KRT31: variants seen among roughly 807,000 people sequenced by gnomAD.
KRT31 encodes the protein keratin 31.
A neutral mutation model predicts 40.8 loss-of-function variants in KRT31; 27 were observed. That is an observed-to-expected ratio of 0.66 (90% confidence interval 0.49 to 0.91). The LOEUF is 0.91. Ranked by LOEUF, KRT31 falls within the 40% of genes least tolerant of loss-of-function variation. The pLI is 0.00. For missense variants in KRT31, 510 were observed against 544.1 expected (o/e 0.94, Z 0.62); for synonymous variants, 231 against 231.9 (o/e 1.00, Z 0.03).
intron 6 of KRT31, among the ~76,000 whole-genome samples, chr17:41,394,578 G>A (rs1158305401): frequency 2.0e-5 from 3 of 152,188 alleles, no homozygotes; most frequent in Non-Finnish European, 2.9e-5. Context: ...TAAAAAGTAA[G>A]GCATTGATCA....
At position 41,397,524 on chromosome 17, in the gene KRT31, A is replaced by G. The variant is rs775476177; in HGVS notation, c.16T>C (p.Cys6Arg). The G allele has an allele frequency of 3.6e-5, 53 of 1,483,132 alleles. 1 individual carries two copies. The East Asian group carries it at 1.1e-3, about 31-fold the overall frequency. The allele number at this position is 1,483,132 out of a possible 1,614,324, so 91.9% of individuals were successfully genotyped here. The change falls in exon 1 of 7, where the codon TGC (cysteine) becomes CGC (arginine). Residue 6 changes from cysteine to arginine, a missense_variant. Transcript: ENST00000251645. Reference protein sequence around the residue: MPYNFCLPSLSCRTSC... With the variant: MPYNFRLPSLSCRTSC... ...GTGCGGCAGCTCAGGCTGGGCAGGCAGAAGTTGTAGGGCATAGTGCTGGGA... is the reference window on the plus strand; with the variant it reads ...GTGCGGCAGCTCAGGCTGGGCAGGCGGAAGTTGTAGGGCATAGTGCTGGGA...
At chr17:41,395,684 G>T in intron 3 of KRT31, 61 bp from the exon 4 acceptor site, 2 of 1,542,548 alleles carry the variant, frequency 1.3e-6, no homozygotes, top group Non-Finnish European at 1.8e-6. Flanking sequence ...CTAAGGAATG[G>T]CATTGCTTGT....
At chr17:41,396,662 T>G (rs2018232405) in intron 2 of KRT31, 86 bp from the exon 3 acceptor site, 1 of 1,465,698 alleles carries the variant, frequency 6.8e-7, no homozygotes, top group Non-Finnish European at 9.3e-7. Flanking sequence ...TGCCTTATCT[T>G]TCCACTTTCT....
chr17:41,395,568 G>A lies in KRT31; in HGVS notation c.644C>T (p.Ala215Val), dbSNP rs2018212419. The change falls in exon 4 of 7, where the codon GCT (alanine) becomes GTT (valine). Residue 215 changes from alanine to valine, a missense_variant. Physicochemically the swap from Ala to Val is moderately conservative, Grantham distance 64. Transcript: ENST00000251645. The part of the protein sequence containing the change: ...LGDRLNVEVD[A>V]APTVDLNRVL... ...CCGATTCAGGTCCACAGTGGGAGCAGCATCCACCTCCACATTGAGGCGGTC... is the reference window on the plus strand; with the variant it reads ...CCGATTCAGGTCCACAGTGGGAGCAACATCCACCTCCACATTGAGGCGGTC... 1.9e-6 allele frequency: 3 copies of A among 1,614,126 alleles called. No homozygotes were observed. In the South Asian group the frequency reaches 3.3e-5, roughly 18 times the overall value.
Position 41,394,044 on chromosome 17 carries a change from C to G in KRT31, c.1223G>C (p.Cys408Ser). The G allele has an allele frequency of 6.2e-7, 1 of 1,613,458 alleles. No homozygotes were observed. The highest frequency in any genetic ancestry group is 8.5e-7 in the Non-Finnish European group (1 of 1,179,802). The change falls in exon 7 of 7, where the codon TGT becomes TCT. Residue 408 changes from cysteine (C) to serine (S), a missense_variant. Cys to Ser is a moderately radical substitution (Grantham distance 112). Coordinates refer to ENST00000251645, the MANE Select transcript of KRT31 (RefSeq NM_002277.3). ...GCGCACGAAGGAATTGCAGGGCCCACAGCGGGGGCGTGGGGCACAGGGTGT... is the reference window on the plus strand; with the variant it reads ...GCGCACGAAGGAATTGCAGGGCCCAGAGCGGGGGCGTGGGGCACAGGGTGT... ...PCTPCAPRPRCGPCNSFVR is the reference protein window; with the variant it reads ...PCTPCAPRPRSGPCNSFVR
chr17:41,397,557 A>G lies in KRT31; in HGVS notation c.-18T>C. ...TAGGGCATAGTGCTGGGAGGGAGGG[A>G]GGGAGTGCCTGGCTGAAGACAGAGT... On this transcript the variant is annotated 5_prime_UTR_variant, in exon 1 of 7. Coordinates refer to ENST00000251645, the MANE Select transcript of KRT31 (RefSeq NM_002277.3). The G allele has an allele frequency of 5.8e-6, 5 of 868,744 alleles. No individual in the cohort carries two copies. Among genetic ancestry groups the G allele is most frequent in the Non-Finnish European group, 9.2e-6 (5 of 545,170 alleles). 53.8% of individuals were successfully genotyped at this position (868,744 alleles called of 1,614,324 possible). A position where few individuals can be genotyped will look rare whatever the true frequency, so the allele number is the denominator to read the frequency against.
In KRT31 at chr17:41,395,799, G is replaced by A. The variant is rs183249826; in HGVS notation, c.589-176C>T. Among the ~76,000 whole-genome samples, 171 of 152,304 alleles carry A rather than the reference G, an allele frequency of 1.1e-3. 1 individual carries two copies. Among genetic ancestry groups the A allele is most frequent in the African/African-American group, 3.8e-3 (158 of 41,562 alleles). On this transcript the variant is annotated intron_variant, in intron 3 of 6. Coordinates refer to ENST00000251645, the MANE Select transcript of KRT31 (RefSeq NM_002277.3). ...CATAGCCCCCTCCCCACCATCTGCT[G>A]TGCCATGGCACTTGGCTTCAGAAAA...
At chr17:41,395,199 C>A (rs953757489) in intron 5 of KRT31, 46 bp downstream of exon 5, 6 of 1,611,864 alleles carry the variant, frequency 3.7e-6, no homozygotes, top group Admixed American at 3.3e-5. Context: ...CGGGACTCTG[C>A]CTCCCAAGTT....
chr17:41,395,121 T>C, intron 5 of KRT31, 53 bp from the exon 6 acceptor site: 1 of 1,610,876 alleles, frequency 6.2e-7, no homozygotes, highest in South Asian at 1.1e-5. Flanking sequence ...AAAGGGTTTC[T>C]TCACAGGATT....
In KRT31 at chr17:41,396,482, G is replaced by T; in HGVS notation, c.526C>A (p.Leu176Met). ...TTCAGGGACTCCACCTGGGCCTCCA[G>T]GTCGGACTTGCACAGGGTCAGCTCA... ...LDELTLCKSD[L>M]EAQVESLKEE... is the part of the protein sequence containing the mutation. The change falls in exon 3 of 7, where the codon CTG becomes ATG. Residue 176 changes from leucine to methionine, a missense_variant. Transcript: ENST00000251645. 1 of 1,614,176 alleles carries T rather than the reference G, an allele frequency of 6.2e-7. No individual in the cohort carries two copies. The highest frequency in any genetic ancestry group is 8.5e-7 in the Non-Finnish European group (1 of 1,180,026).
At position 41,396,433 on chromosome 17, in the gene KRT31, C is replaced by T. The variant is rs759804988; in HGVS notation, c.575G>A (p.Ser192Asn). Residue 192 changes from serine (S) to asparagine (N), a missense_variant, in exon 3 of 7, where the codon AGC (serine) becomes AAC (asparagine). Ser to Asn is a conservative substitution (Grantham distance 46, BLOSUM62 1). Transcript: ENST00000251645. ...SLKEELLCLK[S>N]NHEQEVNTLR... Reference sequence around the variant, plus strand: ...TTCTAGTCTCACCTGCTCATGGTTGCTCTTGAGGCAGAGCAGCTCCTCCTT... The same window carrying T: ...TTCTAGTCTCACCTGCTCATGGTTGTTCTTGAGGCAGAGCAGCTCCTCCTT... The T allele has an allele frequency of 6.0e-5, 97 of 1,613,894 alleles. No individual in the cohort carries two copies. The highest frequency in any genetic ancestry group is 8.0e-5 in the Non-Finnish European group (94 of 1,179,944).
chr17:41,395,894 A>G (rs1280449235), intron 3 of KRT31, among the ~76,000 whole-genome samples: 1 of 152,150 alleles, frequency 6.6e-6, no homozygotes, highest in African/African-American at 2.4e-5. Context: ...CCAGTTTACA[A>G]TTGGCTGTGA....
intron 5 of KRT31, 68 bp from the exon 6 acceptor site, chr17:41,395,136 G>A (rs2018199929): frequency 5.6e-6 from 9 of 1,608,836 alleles, no homozygotes; most frequent in South Asian, 5.5e-5. Flanking sequence ...AGGATTACAA[G>A]GAAGTCACAA....
At chr17:41,394,710 A>G in intron 6 of KRT31, 138 bp downstream of exon 6, 1 of 1,447,582 alleles carries the variant, frequency 6.9e-7, no homozygotes, top group Non-Finnish European at 9.3e-7. Flanking sequence ...TGGCCATATT[A>G]TGTTGTCTGA....
In KRT31 at chr17:41,396,521, G is replaced by C. The variant is rs138565003; in HGVS notation, c.487C>G (p.Arg163Gly). Residue 163 changes from arginine (R) to glycine (G), a missense_variant, in exon 3 of 7, where the codon CGC (arginine) becomes GGC (glycine). Transcript: ENST00000251645. ...AGGGTCAGCTCATCCAGGATCCTGCGCAGACCGTTGATGTCCGACTCCACC... is the reference window on the plus strand; with the variant it reads ...AGGGTCAGCTCATCCAGGATCCTGCCCAGACCGTTGATGTCCGACTCCACC... ...QLVESDINGLRRILDELTLCK... is the reference protein window; with the variant it reads ...QLVESDINGLGRILDELTLCK... The C allele has an allele frequency of 2.5e-6, 4 of 1,614,046 alleles. No individual in the cohort carries two copies. The African/African-American group carries it at 5.3e-5, about 22-fold the overall frequency.
rs781656967 is a variant in KRT31 at position 41,397,264 on chromosome 17, A to T, written c.276T>A (p.Ser92=). ...AELENLIRER[S]QQQEPLLCPS... ...GGCACAGCAAGGGCTCCTGCTGCTG[A>T]GACCGCTCCCGGATGAGGTTCTCCA... Residue 92 remains serine, a synonymous_variant, in exon 1 of 7, where the codon TCT becomes TCA. Transcript: ENST00000251645. 3.2e-5 allele frequency: 51 copies of T among 1,614,122 alleles called. No individual in the cohort carries two copies. The highest frequency in any genetic ancestry group is 4.0e-5 in the Non-Finnish European group (47 of 1,180,054).
intron 6 of KRT31, 117 bp from the exon 7 acceptor site, chr17:41,394,286 A>C (rs1212550523): frequency 9.4e-7 from 1 of 1,065,704 alleles, no homozygotes. Context: ...GGCCTAGAAC[A>C]GAAAAGGCAC....
intron 6 of KRT31, among the ~76,000 whole-genome samples, chr17:41,394,569 A>G (rs1331748301): frequency 6.6e-6 from 1 of 152,246 alleles, no homozygotes; most frequent in Non-Finnish European, 1.5e-5. Flanking sequence ...ACAGTATTGT[A>G]AAAAGTAAGG....
intron 3 of KRT31, 149 bp downstream of exon 3, chr17:41,396,271 T>A (rs960215315): frequency 5.8e-6 from 4 of 689,822 alleles, no homozygotes; most frequent in Admixed American, 3.0e-5. Flanking sequence ...ACAGGTCTTA[T>A]CTCTCTCCAA....
Sources: gnomAD v4.1 joint callset for allele counts (sites outside exome capture counted in the v4.1 genomes callset) on GRCh38, gnomAD v4.1.1 for gene constraint, MANE v1.5 for transcripts, NCBI Gene and HGNC (gene_info 2026-07-23, HGNC 2026-07-21) for gene names.